Variants in CACNG2 observed in about 807,000 individuals in gnomAD.
The protein encoded by CACNG2 is voltage-dependent calcium channel gamma-2 subunit.
A neutral mutation model predicts 25.9 loss-of-function variants in CACNG2; 3 were observed. The observed-to-expected ratio is 0.12, with a 90% CI of 0.05 to 0.30. The LOEUF (loss-of-function observed/expected upper bound fraction) is 0.30. CACNG2 is among the 10% of genes least tolerant of loss of function. The pLI is 1.00. For missense variants in CACNG2, 341 were observed against 432.5 expected, an observed-to-expected ratio of 0.79 and a Z score of 1.88; for synonymous variants, 167 against 173.3, an observed-to-expected ratio of 0.96 and a Z score of 0.29.
rs1187382899 is a variant in CACNG2 at position 36,564,287 on chromosome 22, C to G, written c.*64G>C. On this transcript the variant is annotated 3_prime_UTR_variant, in exon 4 of 4. Transcript: ENST00000300105. The surrounding 1 kb of genome is among the most constrained non-coding windows in gnomAD (Gnocchi z 6.7). ...TCCCAGCGGAGGGTCTGGGTCTCCC[C>G]GCCCCGCCCCGCCCCCGGGGACCGC... 3 of 1,477,980 alleles carry G rather than the reference C, an allele frequency of 2.0e-6. No individual in the cohort carries two copies. The highest frequency in any genetic ancestry group is 2.8e-6 in the Non-Finnish European group (3 of 1,086,880). 91.6% of individuals were successfully genotyped at this position (1,477,980 alleles called of 1,614,324 possible).
chr22:36,687,057 C>T (rs1182930654), intron 1 of CACNG2, among the ~76,000 whole-genome samples: 1 of 152,150 alleles, frequency 6.6e-6, no homozygotes, highest in African/African-American at 2.4e-5. Context: ...GACAGGTGCC[C>T]TTTGCCCTTG....
intron 1 of CACNG2, among the ~76,000 whole-genome samples, chr22:36,653,782 C>T (rs1310020172): frequency 2.6e-5 from 4 of 152,098 alleles, no homozygotes; most frequent in African/African-American, 9.7e-5. Flanking sequence ...CCTTCAGGAC[C>T]AGGAGGGCAT....
At chr22:36,600,075 T>C (rs948165124) in intron 1 of CACNG2, among the ~76,000 whole-genome samples, 1 of 152,086 alleles carries the variant, frequency 6.6e-6, no homozygotes, top group African/African-American at 2.4e-5. Context: ...ACTAAGGAGC[T>C]CCAGCCGCCA....
intron 1 of CACNG2, among the ~76,000 whole-genome samples, chr22:36,670,118 C>T (rs1210625106): frequency 6.6e-6 from 1 of 152,214 alleles, no homozygotes; most frequent in Non-Finnish European, 1.5e-5. Context: ...AAACTTCATT[C>T]ATTCAAAACA....
chr22:36,622,528 A>G (rs1239310533), intron 1 of CACNG2, among the ~76,000 whole-genome samples: 1 of 152,232 alleles, frequency 6.6e-6, no homozygotes, highest in Non-Finnish European at 1.5e-5. Context: ...ATGTAACACA[A>G]GCCATCTTGT....
intron 1 of CACNG2, among the ~76,000 whole-genome samples, chr22:36,589,555 T>A (rs1472322075): frequency 1.3e-5 from 2 of 152,206 alleles, no homozygotes; most frequent in East Asian, 3.8e-4. Flanking sequence ...ACACATGAGC[T>A]ATCCCTGTAC....
At position 36,564,564 on chromosome 22, in the gene CACNG2, G is replaced by T. The variant is rs141608078; in HGVS notation, c.759C>A (p.Ser253=). 7.4e-5 allele frequency: 119 copies of T among 1,614,112 alleles called. 1 individual carries two copies. In the African/African-American group the frequency reaches 1.4e-3, roughly 19 times the overall value. ...STEPSHSRDA[S]PVGIKGFNTL... ...TGTTGAAGCCCTTGATGCCCACGGGGGAGGCGTCCCTGGAGTGTGAGGGCT... is the reference window on the plus strand; with the variant it reads ...TGTTGAAGCCCTTGATGCCCACGGGTGAGGCGTCCCTGGAGTGTGAGGGCT... Residue 253 remains serine (S), a synonymous_variant, in exon 4 of 4, where the codon TCC becomes TCA. Coordinates refer to ENST00000300105, the MANE Select transcript of CACNG2 (RefSeq NM_006078.5). The surrounding 1 kb of genome is among the most constrained non-coding windows in gnomAD (Gnocchi z 6.7).
chr22:36,671,783 C>T (rs962125148), intron 1 of CACNG2, among the ~76,000 whole-genome samples: 6 of 152,142 alleles, frequency 3.9e-5, no homozygotes, highest in East Asian at 1.9e-4. Context: ...TCTGCCTCCT[C>T]GATCTCTGTG....
At chr22:36,626,954 T>G (rs2145954794) in intron 1 of CACNG2, among the ~76,000 whole-genome samples, 1 of 152,386 alleles carries the variant, frequency 6.6e-6, no homozygotes, top group South Asian at 2.1e-4. Flanking sequence ...CCTCATTTTA[T>G]AGAAGAGGAA....
At chr22:36,621,906 A>G (rs2267356) in intron 1 of CACNG2, among the ~76,000 whole-genome samples, 27,851 of 152,138 alleles carry the variant, frequency 0.18, 3,573 homozygotes, top group African/African-American at 0.36. Context: ...TGCGAGACAA[A>G]CCATACTGTT....
intron 1 of CACNG2, among the ~76,000 whole-genome samples, chr22:36,621,173 G>T (rs543334715): frequency 2.0e-5 from 3 of 152,320 alleles, no homozygotes; most frequent in African/African-American, 7.2e-5. Context: ...AGAACAGAAT[G>T]AATTCCATCC....
At chr22:36,659,896 C>A (rs1936764254) in intron 1 of CACNG2, among the ~76,000 whole-genome samples, 3 of 151,966 alleles carry the variant, frequency 2.0e-5, no homozygotes, top group Admixed American at 2.0e-4. Flanking sequence ...AGTAAGCAGT[C>A]CCCTAGAAGA....
intron 1 of CACNG2, among the ~76,000 whole-genome samples, chr22:36,644,748 G>A (rs1936493311): frequency 6.6e-6 from 1 of 152,130 alleles, no homozygotes; most frequent in Admixed American, 6.5e-5. Flanking sequence ...GATCAAATGA[G>A]TTACTAAGTG....
In CACNG2 at chr22:36,696,571, CTG is replaced by C. The variant is rs373307047; in HGVS notation, c.211+5793_211+5794del. Among the ~76,000 whole-genome samples, 32 of 152,314 alleles carry C rather than the reference CTG, an allele frequency of 2.1e-4. 1 individual carries two copies. The East Asian group carries it at 4.2e-3, about 20-fold the overall frequency. On this transcript the variant is annotated intron_variant, in intron 1 of 3. Coordinates refer to ENST00000300105, the MANE Select transcript of CACNG2 (RefSeq NM_006078.5). ...TTGACTTCTTGCACTGTCATGATTGCTGTGGGCACAGCAGTGAGCAGAACAGA... is the reference window on the plus strand; with the variant it reads ...TTGACTTCTTGCACTGTCATGATTGCTGGGCACAGCAGTGAGCAGAACAGA...
chr22:36,642,762 G>C (rs1936458612), intron 1 of CACNG2, among the ~76,000 whole-genome samples: 1 of 152,194 alleles, frequency 6.6e-6, no homozygotes, highest in African/African-American at 2.4e-5. Flanking sequence ...GCCTGGCAAA[G>C]ACTTGTGTAA....
intron 1 of CACNG2, among the ~76,000 whole-genome samples, chr22:36,607,699 C>A (rs1229141292): frequency 6.6e-6 from 1 of 152,182 alleles, no homozygotes; most frequent in Non-Finnish European, 1.5e-5. Context: ...TAGCCACATT[C>A]CCATTTCCAG....
chr22:36,619,286 G>A (rs1194921404), intron 1 of CACNG2, among the ~76,000 whole-genome samples: 3 of 152,194 alleles, frequency 2.0e-5, no homozygotes, highest in Non-Finnish European at 4.4e-5. Flanking sequence ...GGCACCGCAG[G>A]ATGACAGAGT....
chr22:36,685,574 C>T (rs1937185053), intron 1 of CACNG2, among the ~76,000 whole-genome samples: 1 of 152,180 alleles, frequency 6.6e-6, no homozygotes, highest in African/African-American at 2.4e-5. Context: ...GTGTCAGGCA[C>T]CTCGGCTGCC....
Position 36,566,413 on chromosome 22 carries a change from C to A in CACNG2, c.376G>T (p.Glu126Ter). 1 of 1,614,110 alleles carries A rather than the reference C, an allele frequency of 6.2e-7. No individual in the cohort carries two copies. ...ATGTTGTGTCGAGTTTTGTAGAACT[C>A]GCTGGCTGCGATGCAGAGGCCACCC... The part of the protein sequence containing the change: ...FMGGLCIAAS[E>*]FYKTRHNIIL... The change falls in exon 3 of 4, where the codon GAG becomes TAG. Residue 126 changes from glutamate to a stop codon, truncating the protein, a stop_gained. Transcript: ENST00000300105. LOFTEE classifies it high-confidence loss of function.
Sources: allele counts gnomAD v4.1 joint callset (sites outside exome capture counted in the v4.1 genomes callset), GRCh38; gene constraint gnomAD v4.1.1; non-coding constraint Gnocchi (gnomAD v3.1); transcripts MANE v1.5; gene names NCBI Gene and HGNC (gene_info 2026-07-23, HGNC 2026-07-21).